PTGER3: variants seen among roughly 807,000 people sequenced by gnomAD.
PTGER3 encodes the protein prostaglandin E2 receptor EP3 subtype.
A neutral mutation model predicts 34.7 loss-of-function variants in PTGER3; 22 were observed. The observed-to-expected ratio is 0.63, with a 90% CI of 0.45 to 0.91. The LOEUF is 0.91. Among genes scored for constraint, PTGER3 ranks in the 40% least tolerant of loss-of-function variants. The pLI, the probability that PTGER3 is intolerant of heterozygous loss-of-function variation, is 0.00. For synonymous variants in PTGER3, 241 were observed against 230.1 expected, an observed-to-expected ratio of 1.05 and a Z score of -0.43; for missense variants, 468 against 519.4, an observed-to-expected ratio of 0.90 and a Z score of 0.96.
At chr1:70,919,393 C>A (rs1647316538) in intron 4 of PTGER3, among the ~76,000 whole-genome samples, 1 of 152,254 alleles carries the variant, frequency 6.6e-6, no homozygotes, top group South Asian at 2.1e-4. Context: ...CATGAAATAT[C>A]TTTCCTTTCC....
downstream of PTGER3, among the ~76,000 whole-genome samples, chr1:70,948,451 T>C (rs907328387): frequency 1.3e-5 from 2 of 152,144 alleles, no homozygotes; most frequent in African/African-American, 2.4e-5. Context: ...TGTGGAACTG[T>C]GAGTCAATTA....
intron 1 of PTGER3, among the ~76,000 whole-genome samples, chr1:71,022,377 T>G (rs571845081): frequency 6.6e-6 from 1 of 151,868 alleles, no homozygotes; most frequent in Non-Finnish European, 1.5e-5. Flanking sequence ...CTAAATTTAG[T>G]GATAAATTAA....
At chr1:71,038,839 G>T (rs1376785714) in intron 1 of PTGER3, among the ~76,000 whole-genome samples, 1 of 152,206 alleles carries the variant, frequency 6.6e-6, no homozygotes, top group Non-Finnish European at 1.5e-5. Context: ...AGCAGCACAG[G>T]TTCTGTTCAG....
intron 4 of PTGER3, among the ~76,000 whole-genome samples, chr1:70,882,575 T>C (rs1001493804): frequency 6.6e-6 from 1 of 152,200 alleles, no homozygotes; most frequent in Non-Finnish European, 1.5e-5. Flanking sequence ...CTGGTCTGCT[T>C]TGGGGCCAAA....
intron 4 of PTGER3, among the ~76,000 whole-genome samples, chr1:70,921,788 G>C (rs1647554973): frequency 6.6e-6 from 1 of 152,140 alleles, no homozygotes; most frequent in Admixed American, 6.6e-5. Flanking sequence ...CCGGATTCAA[G>C]GTTTAATTCC....
intron 2 of PTGER3, chr1:71,007,709 G>T (rs1657093402): frequency 2.6e-5 from 26 of 985,168 alleles, no homozygotes; most frequent in Non-Finnish European, 3.0e-5. Context: ...GATTTCTACA[G>T]ACATGGAAAA....
intron 4 of PTGER3, among the ~76,000 whole-genome samples, chr1:70,893,241 C>A (rs1366133794): frequency 2.0e-5 from 3 of 152,152 alleles, no homozygotes; most frequent in Non-Finnish European, 4.4e-5. Flanking sequence ...GGGGTAGATA[C>A]TGGTATCTCC....
intron 1 of PTGER3, among the ~76,000 whole-genome samples, chr1:71,041,466 T>C (rs1660306953): frequency 6.6e-6 from 1 of 152,144 alleles, no homozygotes; most frequent in African/African-American, 2.4e-5. Flanking sequence ...CATCATGAAG[T>C]TGAAAAAGCA....
chr1:71,001,883 C>G (rs1017271308), intron 2 of PTGER3, among the ~76,000 whole-genome samples: 1 of 152,108 alleles, frequency 6.6e-6, no homozygotes, highest in Non-Finnish European at 1.5e-5. Context: ...GAGATGAGAA[C>G]AATCATAATT....
At chr1:71,004,494 A>G (rs1415084186) in intron 2 of PTGER3, among the ~76,000 whole-genome samples, 1 of 152,200 alleles carries the variant, frequency 6.6e-6, no homozygotes, top group African/African-American at 2.4e-5. Context: ...AGATAAAATG[A>G]AGCTTCTGCA....
At chr1:71,002,749 G>A (rs537308749) in intron 2 of PTGER3, among the ~76,000 whole-genome samples, 6 of 152,118 alleles carry the variant, frequency 3.9e-5, no homozygotes, top group East Asian at 1.9e-4. Context: ...GTTTTGTCCC[G>A]TTAATTCTTA....
Position 70,971,383 on chromosome 1 carries a change from A to G in PTGER3, c.*347T>C, listed in dbSNP as rs1653061733. 1 of 1,032,636 alleles carries G rather than the reference A, an allele frequency of 9.7e-7. No individual in the cohort carries two copies. Among genetic ancestry groups the G allele is most frequent in the Non-Finnish European group, 1.2e-6 (1 of 861,532 alleles). The allele number at this position is 1,032,636 out of a possible 1,614,324, so 64.0% of individuals were successfully genotyped here. A position where few individuals can be genotyped will look rare whatever the true frequency, so the allele number is the denominator to read the frequency against. ...GCTATCATGAAATGTAAAGATGTCC[A>G]CTTTGGTTAAGATTCACGTAAAGGT... On this transcript the variant is annotated 3_prime_UTR_variant, in exon 4 of 4. Transcript: ENST00000306666.
At chr1:70,916,852 T>A (rs897610314) in intron 4 of PTGER3, among the ~76,000 whole-genome samples, 11 of 152,020 alleles carry the variant, frequency 7.2e-5, no homozygotes, top group African/African-American at 1.9e-4. Flanking sequence ...AAATTTTTTT[T>A]AAAAAGCTAA....
At chr1:71,016,169 G>A (rs551003258) in intron 1 of PTGER3, among the ~76,000 whole-genome samples, 2 of 152,130 alleles carry the variant, frequency 1.3e-5, no homozygotes, top group East Asian at 1.9e-4. Flanking sequence ...CTGGCTTCAA[G>A]CAATCCTCTT....
intron 4 of PTGER3, among the ~76,000 whole-genome samples, chr1:70,928,126 T>C (rs1648295308): frequency 1.2e-5 from 1 of 85,956 alleles, no homozygotes; most frequent in Non-Finnish European, 2.5e-5. Context: ...TCATCATATA[T>C]ATATATTTAT....
chr1:71,030,528 A>G (rs184325537), intron 1 of PTGER3, among the ~76,000 whole-genome samples: 3 of 152,328 alleles, frequency 2.0e-5, no homozygotes, highest in Non-Finnish European at 4.4e-5. Context: ...CTAGCTGAAA[A>G]ATGTTTGCCT....
At chr1:70,905,832 G>A (rs1183145222) in intron 4 of PTGER3, among the ~76,000 whole-genome samples, 1 of 152,118 alleles carries the variant, frequency 6.6e-6, no homozygotes, top group Non-Finnish European at 1.5e-5. Flanking sequence ...GATTGGTTTT[G>A]AAATGTGAGA....
chr1:70,901,542 C>T (rs1435272194), intron 4 of PTGER3, among the ~76,000 whole-genome samples: 4 of 152,168 alleles, frequency 2.6e-5, no homozygotes, highest in Admixed American at 2.0e-4. Context: ...ATTTATCCAC[C>T]TTTTTGGAAT....
intron 2 of PTGER3, among the ~76,000 whole-genome samples, chr1:70,957,334 C>A (rs1008308523): frequency 6.6e-6 from 1 of 152,138 alleles, no homozygotes; most frequent in East Asian, 1.9e-4. Context: ...GAGTTGATAA[C>A]GTAACTGCAG....
Sources: allele counts gnomAD v4.1 joint callset (sites outside exome capture counted in the v4.1 genomes callset), GRCh38; gene constraint gnomAD v4.1.1; transcripts MANE v1.5; gene names NCBI Gene and HGNC (gene_info 2026-07-23, HGNC 2026-07-21).